The following FHOD3 variants were observed in gnomAD, a reference collection of about 807,000 sequenced individuals.
FHOD3 encodes FH1/FH2 domain-containing protein 3.
In FHOD3, 90 loss-of-function variants were observed where a neutral mutation model predicts 173.0. That is an observed-to-expected ratio of 0.52 (90% CI 0.44 to 0.62). FHOD3 has a LOEUF of 0.62. Among genes scored for constraint, FHOD3 ranks in the 20% least tolerant of loss-of-function variants. The pLI is 0.00. For missense variants in FHOD3, 1,945 were observed against 2,034.7 expected (o/e 0.96, Z 0.85); for synonymous variants, 828 against 823.0 (o/e 1.01, Z -0.10).
Position 36,739,874 on chromosome 18 carries a change from A to C in FHOD3, c.3577-782A>C, listed in dbSNP as rs886640706. On this transcript the variant is annotated intron_variant, in intron 20 of 28. Coordinates refer to ENST00000590592, the MANE Select transcript of FHOD3 (RefSeq NM_001281740.3). Reference sequence around the variant, plus strand: ...TTTTGTAGATTCCTTATAGTTTTTTATGCAGACAATTATGACATCTGTGTG... The same window carrying C: ...TTTTGTAGATTCCTTATAGTTTTTTCTGCAGACAATTATGACATCTGTGTG... Among the ~76,000 whole-genome samples the C allele has an allele frequency of 2.6e-5, 4 of 152,164 alleles. No individual in the cohort carries two copies. In the East Asian group the frequency reaches 7.7e-4, roughly 29 times the overall value.
intron 1 of FHOD3, among the ~76,000 whole-genome samples, chr18:36,305,946 T>A (rs1292347467): frequency 2.0e-5 from 3 of 152,214 alleles, no homozygotes; most frequent in African/African-American, 7.2e-5. Flanking sequence ...AAAATGAGCA[T>A]GTGGTGACAT....
Position 36,632,798 on chromosome 18 carries a change from A to G in FHOD3, c.1196+7049A>G, listed in dbSNP as rs188086417. 3.2e-4 allele frequency among the ~76,000 whole-genome samples: 49 copies of G among 152,330 alleles called. 2 individuals are homozygous for G. The East Asian group carries it at 6.9e-3, about 22-fold the overall frequency. On this transcript the variant is annotated intron_variant, in intron 10 of 28. Transcript: ENST00000590592. ...ATCTATACGGGTCTGCATCAACTCA[A>G]TTCTTGCCTCCTTGAAGGAAAGAAT...
At chr18:36,728,910 T>A (rs1402322882) in intron 19 of FHOD3, among the ~76,000 whole-genome samples, 1 of 152,216 alleles carries the variant, frequency 6.6e-6, no homozygotes, top group Non-Finnish European at 1.5e-5. Context: ...GCTGCTTGGC[T>A]GGGTCAGCAG....
At chr18:36,754,343 C>CA (rs1206707707) in intron 24 of FHOD3, among the ~76,000 whole-genome samples, 2 of 152,206 alleles carry the variant, frequency 1.3e-5, no homozygotes, top group South Asian at 4.2e-4. Flanking sequence ...GTTTGTTCCA[C>CA]AGAAAGCTTT....
chr18:36,458,250 C>T (rs1034742617), intron 3 of FHOD3, among the ~76,000 whole-genome samples: 1 of 152,070 alleles, frequency 6.6e-6, no homozygotes, highest in Non-Finnish European at 1.5e-5. Context: ...GGAAGAGGGA[C>T]GTGGGAACTT....
At chr18:36,728,633 A>G (rs1282365446) in intron 19 of FHOD3, among the ~76,000 whole-genome samples, 2 of 151,772 alleles carry the variant, frequency 1.3e-5, no homozygotes, top group Non-Finnish European at 2.9e-5. Flanking sequence ...TTTATTCCCA[A>G]CTGCATATTT....
At chr18:36,318,426 T>C (rs564145077) in intron 1 of FHOD3, among the ~76,000 whole-genome samples, 25 of 152,218 alleles carry the variant, frequency 1.6e-4, no homozygotes, top group Non-Finnish European at 2.9e-4. Flanking sequence ...TACTCCTCCT[T>C]GAAGAGGTCC....
In FHOD3 at chr18:36,744,210, T is replaced by C; in HGVS notation, c.4041+17T>C. 1 of 1,604,266 alleles carries C rather than the reference T, an allele frequency of 6.2e-7. No homozygotes were observed. On this transcript the variant is annotated intron_variant, in intron 23 of 28. Transcript: ENST00000590592. ...TCAGCCAAGGTATGTCTGTGGACGC[T>C]GAGGAGTGGGCCTGGTCTCGCTGCA...
intron 3 of FHOD3, among the ~76,000 whole-genome samples, chr18:36,469,161 C>T (rs945680925): frequency 6.6e-6 from 1 of 152,174 alleles, no homozygotes; most frequent in Non-Finnish European, 1.5e-5. Flanking sequence ...CATATACCCT[C>T]TTCATCCTAA....
intron 3 of FHOD3, among the ~76,000 whole-genome samples, chr18:36,464,087 A>C (rs74500705): frequency 6.6e-6 from 1 of 152,218 alleles, no homozygotes; most frequent in South Asian, 2.1e-4. Context: ...ATTTAGTCAG[A>C]AGAGCCTTAT....
chr18:36,572,230 C>T (rs1568442366), intron 5 of FHOD3, among the ~76,000 whole-genome samples: 1 of 152,216 alleles, frequency 6.6e-6, no homozygotes, highest in South Asian at 2.1e-4. Context: ...CCATCTACCT[C>T]TGTGTTCTGA....
At chr18:36,649,890 A>T (rs1444209472) in intron 11 of FHOD3, among the ~76,000 whole-genome samples, 3 of 152,298 alleles carry the variant, frequency 2.0e-5, no homozygotes, top group African/African-American at 4.8e-5. Flanking sequence ...TTTTCACCCC[A>T]TGCATCATAG....
At chr18:36,625,105 C>T (rs1248629196) in intron 9 of FHOD3, among the ~76,000 whole-genome samples, 1 of 152,166 alleles carries the variant, frequency 6.6e-6, no homozygotes, top group African/African-American at 2.4e-5. Flanking sequence ...TGATAGGGAA[C>T]CGGCCACCAC....
intron 6 of FHOD3, among the ~76,000 whole-genome samples, chr18:36,590,516 C>T (rs558804272): frequency 6.6e-6 from 1 of 152,326 alleles, no homozygotes; most frequent in African/African-American, 2.4e-5. Flanking sequence ...TAGTACCATG[C>T]ATTTCTACAA....
intron 10 of FHOD3, among the ~76,000 whole-genome samples, chr18:36,627,653 A>G (rs2034210213): frequency 6.6e-6 from 1 of 152,192 alleles, no homozygotes. Context: ...TGTTTTATCT[A>G]TCTAGATTGA....
chr18:36,538,180 G>A (rs1398554767), intron 5 of FHOD3, among the ~76,000 whole-genome samples: 2 of 152,194 alleles, frequency 1.3e-5, no homozygotes, highest in Admixed American at 6.5e-5. Flanking sequence ...ATGGGATGCA[G>A]CAAAAGCAGT....
At chr18:36,429,865 C>T (rs1397408099) in intron 3 of FHOD3, among the ~76,000 whole-genome samples, 3 of 151,986 alleles carry the variant, frequency 2.0e-5, no homozygotes, top group Non-Finnish European at 4.4e-5. Flanking sequence ...AGAAGCAGGC[C>T]TGGTGAGAGC....
intron 16 of FHOD3, 79 bp from the exon 17 acceptor site, chr18:36,693,130 A>AGGT: frequency 7.3e-7 from 1 of 1,375,922 alleles, no homozygotes; most frequent in Non-Finnish European, 1.0e-6. Context: ...CTCATTCTGC[A>AGGT]GGTGTTTCAT....
At chr18:36,465,589 G>A (rs1013804267) in intron 3 of FHOD3, among the ~76,000 whole-genome samples, 7 of 152,188 alleles carry the variant, frequency 4.6e-5, no homozygotes, top group Non-Finnish European at 7.3e-5. Flanking sequence ...GTGTGATGGT[G>A]GAAGGCTTGG....
Sources: gnomAD v4.1 joint callset for allele counts (sites outside exome capture counted in the v4.1 genomes callset) on GRCh38, gnomAD v4.1.1 for gene constraint, MANE v1.5 for transcripts, NCBI Gene and HGNC (gene_info 2026-07-23, HGNC 2026-07-21) for gene names.